GRIK4: variants seen among roughly 807,000 people sequenced by gnomAD.
GRIK4 encodes glutamate ionotropic receptor kainate type subunit 4.
Under a neutral mutation model 104.9 loss-of-function variants are expected in GRIK4, and 40 were observed. That is an observed-to-expected ratio of 0.38 (90% CI 0.30 to 0.50). The LOEUF is 0.50. GRIK4 is among the 20% of genes least tolerant of loss of function. GRIK4 has a pLI of 0.93. For synonymous variants in GRIK4, 485 were observed against 524.9 expected, an observed-to-expected ratio of 0.92 and a Z score of 1.04; for missense variants, 1,047 against 1,308.1, an observed-to-expected ratio of 0.80 and a Z score of 3.08.
intron 11 of GRIK4, among the ~76,000 whole-genome samples, chr11:120,884,378 G>T (rs1396333023): frequency 6.6e-6 from 1 of 152,134 alleles, no homozygotes. Context: ...TCGCTTCTAG[G>T]CTGGCTCAGG....
At chr11:120,693,496 T>C (rs549873438) in intron 3 of GRIK4, among the ~76,000 whole-genome samples, 3 of 152,296 alleles carry the variant, frequency 2.0e-5, no homozygotes, top group African/African-American at 7.2e-5. Flanking sequence ...GAGTAGTCTG[T>C]CCATCCATCC....
At chr11:120,679,493 T>C (rs1950157101) in intron 3 of GRIK4, among the ~76,000 whole-genome samples, 1 of 152,236 alleles carries the variant, frequency 6.6e-6, no homozygotes, top group Non-Finnish European at 1.5e-5. Flanking sequence ...GCATGGCCCA[T>C]GCAGGGCCAT....
intron 4 of GRIK4, among the ~76,000 whole-genome samples, chr11:120,804,679 G>T (rs946776311): frequency 1.3e-5 from 2 of 152,236 alleles, no homozygotes; most frequent in African/African-American, 4.8e-5. Flanking sequence ...AGATAGATGT[G>T]CTCCTGACCT....
At chr11:120,571,927 T>C (rs548540989) in intron 1 of GRIK4, among the ~76,000 whole-genome samples, 1 of 152,322 alleles carries the variant, frequency 6.6e-6, no homozygotes, top group East Asian at 1.9e-4. Flanking sequence ...GTCCTTTGAT[T>C]GGCAGGAAGT....
Position 120,511,782 on chromosome 11 carries a change from G to A in GRIK4, c.-264G>A, listed in dbSNP as rs996380812. ...TCAGCTGCGGGCGGATCGGGCTGGA[G>A]CCGCCACGGCTGCTGCGGAAGAGGA... On this transcript the variant is annotated 5_prime_UTR_variant, in exon 1 of 21. Coordinates refer to ENST00000527524, the MANE Select transcript of GRIK4 (RefSeq NM_014619.5). 2.8e-6 allele frequency: 1 copy of A among 355,848 alleles called. No individual in the cohort carries two copies. The highest frequency in any genetic ancestry group is 5.7e-6 in the Non-Finnish European group (1 of 176,176). 22.0% of individuals were successfully genotyped at this position (355,848 alleles called of 1,614,324 possible).
At chr11:120,906,414 C>G (rs1468949173) in intron 13 of GRIK4, among the ~76,000 whole-genome samples, 3 of 152,202 alleles carry the variant, frequency 2.0e-5, no homozygotes, top group African/African-American at 7.2e-5. Context: ...GTTTTACATG[C>G]ATTATCTCTA....
intron 8 of GRIK4, among the ~76,000 whole-genome samples, chr11:120,848,593 A>G (rs1044421501): frequency 2.6e-5 from 4 of 152,082 alleles, no homozygotes; most frequent in Admixed American, 6.5e-5. Flanking sequence ...AGGCTGTTCT[A>G]TTTGGGTCCC....
intron 3 of GRIK4, among the ~76,000 whole-genome samples, chr11:120,740,079 A>G (rs916530547): frequency 6.6e-6 from 1 of 152,218 alleles, no homozygotes; most frequent in Admixed American, 6.5e-5. Flanking sequence ...TGTGGACTAC[A>G]TGGACAATTG....
chr11:120,982,598 AT>A (rs1944670336), intron 20 of GRIK4, among the ~76,000 whole-genome samples: 1 of 152,186 alleles, frequency 6.6e-6, no homozygotes, highest in Admixed American at 6.5e-5. Flanking sequence ...AATAAGTTCA[AT>A]TCCCCAGCTG....
intron 13 of GRIK4, among the ~76,000 whole-genome samples, chr11:120,937,452 T>C (rs934846523): frequency 2.0e-5 from 3 of 152,222 alleles, no homozygotes; most frequent in Admixed American, 1.3e-4. Flanking sequence ...TAATTACTCC[T>C]CTATATTGAG....
chr11:120,829,008 C>G (rs1442921108), intron 6 of GRIK4, among the ~76,000 whole-genome samples: 1 of 152,206 alleles, frequency 6.6e-6, no homozygotes, highest in Non-Finnish European at 1.5e-5. Flanking sequence ...CATCCCCCAG[C>G]CTTCCCTGTC....
intron 13 of GRIK4, among the ~76,000 whole-genome samples, chr11:120,935,781 G>A (rs1213874020): frequency 6.6e-6 from 1 of 152,094 alleles, no homozygotes; most frequent in African/African-American, 2.4e-5. Context: ...TTAAATGTTT[G>A]TGCCAACTTA....
In GRIK4 at chr11:120,874,130, G is replaced by A. The variant is rs779846238; in HGVS notation, c.971G>A (p.Arg324Gln). ...AVVTAVQELN[R>Q]SQEIGVKPLS... is the part of the protein sequence containing the mutation. Reference sequence around the variant, plus strand: ...GTGACTGCGGTGCAGGAACTGAACCGGAGCCAAGAGATCGGCGTGAAGCCC... The same window carrying A: ...GTGACTGCGGTGCAGGAACTGAACCAGAGCCAAGAGATCGGCGTGAAGCCC... The change falls in exon 10 of 21, where the codon CGG becomes CAG. Residue 324 changes from arginine to glutamine, a missense_variant. Physicochemically the swap from Arg to Gln is conservative, Grantham distance 43. This residue lies in a region of GRIK4 where 447 missense variants were observed against 514.9 expected (regional missense o/e 0.87). Coordinates refer to ENST00000527524, the MANE Select transcript of GRIK4 (RefSeq NM_014619.5). The A allele has an allele frequency of 2.5e-5, 40 of 1,613,972 alleles. No individual in the cohort carries two copies. The highest frequency in any genetic ancestry group is 8.9e-5 in the East Asian group (4 of 44,880).
chr11:120,598,286 C>T (rs1948833721), intron 1 of GRIK4, among the ~76,000 whole-genome samples: 1 of 152,214 alleles, frequency 6.6e-6, no homozygotes. Flanking sequence ...TGCTGTGCCC[C>T]TTGTGCAGAT....
At chr11:120,861,093 CTTTTTTTTTTTTTTT>C (rs547199127) in intron 8 of GRIK4, among the ~76,000 whole-genome samples, 6,812 of 86,728 alleles carry the variant, frequency 0.079, 271 homozygotes, top group Middle Eastern at 0.19. Flanking sequence ...AAATCATCCT[CTTTTTTTTTTTTTTT>C]TTTTTTTTTT....
chr11:120,572,266 G>T (rs1948410157), intron 1 of GRIK4, among the ~76,000 whole-genome samples: 1 of 152,122 alleles, frequency 6.6e-6, no homozygotes, highest in Admixed American at 6.5e-5. Flanking sequence ...TCGTCACCTT[G>T]GGGGGTAAGA....
chr11:120,766,144 C>G (rs1022518831), intron 3 of GRIK4, among the ~76,000 whole-genome samples: 1 of 152,200 alleles, frequency 6.6e-6, no homozygotes, highest in African/African-American at 2.4e-5. Context: ...TTCAGAGATG[C>G]CTTGCCCAGA....
rs150032046 is a variant in GRIK4 at position 120,751,333 on chromosome 11, A to G, written c.83-51360A>G. Among the ~76,000 whole-genome samples the G allele has an allele frequency of 9.7e-3, 1,478 of 152,306 alleles. 11 individuals are homozygous for G. The highest frequency in any genetic ancestry group is 0.014 in the Non-Finnish European group (965 of 68,024). ...GCCATTCCAATATAAAAGAAAAGAA[A>G]AAGGAAAAACAAAAAAGCCTTAGCG... On this transcript the variant is annotated intron_variant, in intron 3 of 20. Coordinates refer to ENST00000527524, the MANE Select transcript of GRIK4 (RefSeq NM_014619.5).
At chr11:120,718,054 C>T (rs1950867101) in intron 3 of GRIK4, among the ~76,000 whole-genome samples, 2 of 152,224 alleles carry the variant, frequency 1.3e-5, no homozygotes, top group Non-Finnish European at 2.9e-5. Flanking sequence ...CTAGACACAA[C>T]ACCTGATTCC....
Sources: gnomAD v4.1 joint callset for allele counts (sites outside exome capture counted in the v4.1 genomes callset) on GRCh38, gnomAD v4.1.1 for gene constraint, gnomAD v4.1.1 regional missense constraint, MANE v1.5 for transcripts, NCBI Gene and HGNC (gene_info 2026-07-23, HGNC 2026-07-21) for gene names.